Variants in CENPP observed in about 807,000 individuals in gnomAD.
CENPP encodes centromere protein P.
A neutral mutation model predicts 35.6 loss-of-function variants in CENPP; 24 were observed. The observed-to-expected ratio is 0.67, with a 90% confidence interval of 0.49 to 0.95. The LOEUF (loss-of-function observed/expected upper bound fraction) is 0.95, where lower values mean the gene tolerates loss of function less well. Among genes scored for constraint, CENPP ranks in the 40% least tolerant of loss-of-function variants. The pLI is 0.00. For missense variants in CENPP, 332 were observed against 345.3 expected (o/e 0.96, Z 0.31); for synonymous variants, 120 against 125.5 (o/e 0.96, Z 0.29).
At chr9:92,588,807 A>G (rs142641246) in intron 5 of CENPP, among the ~76,000 whole-genome samples, 125 of 152,290 alleles carry the variant, frequency 8.2e-4, no homozygotes, top group African/African-American at 3.0e-3. Flanking sequence ...CTTTCCTGGA[A>G]GAAGCTCCAA....
intron 3 of CENPP, among the ~76,000 whole-genome samples, chr9:92,341,007 A>G (rs928527083): frequency 1.6e-4 from 24 of 152,298 alleles, no homozygotes; most frequent in African/African-American, 5.5e-4. Context: ...TTTTCTCAGC[A>G]TGGGACATCC....
intron 5 of CENPP, chr9:92,527,927 A>G (rs866548898): frequency 6.5e-6 from 1 of 154,246 alleles, no homozygotes; most frequent in Middle Eastern, 5.2e-4. Flanking sequence ...TGCCATAACA[A>G]CATTCCTACT....
intron 2 of CENPP, among the ~76,000 whole-genome samples, chr9:92,337,043 C>T (rs769037818): frequency 2.0e-5 from 3 of 152,212 alleles, no homozygotes; most frequent in South Asian, 2.1e-4. Context: ...CTTGGCCGGG[C>T]GCAGTGGCTC....
rs925996109 is a variant in CENPP at position 92,417,213 on chromosome 9, G to A, written c.564+37354G>A. On this transcript the variant is annotated intron_variant, in intron 5 of 7. Transcript: ENST00000375587. ...TGGCTGAGGTTAATTTCTTTAAGATGAGTTGCATTGATGAATGAATTTGCA... is the reference window on the plus strand; with the variant it reads ...TGGCTGAGGTTAATTTCTTTAAGATAAGTTGCATTGATGAATGAATTTGCA... 2.5e-6 allele frequency: 4 copies of A among 1,613,894 alleles called. No individual in the cohort carries two copies. In the African/African-American group the frequency reaches 4.0e-5, roughly 16 times the overall value.
At chr9:92,491,490 T>G (rs1036991138) in intron 5 of CENPP, among the ~76,000 whole-genome samples, 1 of 152,130 alleles carries the variant, frequency 6.6e-6, no homozygotes, top group Non-Finnish European at 1.5e-5. Flanking sequence ...TCAACTGCCC[T>G]TCTCTTGTAG....
intron 5 of CENPP, among the ~76,000 whole-genome samples, chr9:92,484,365 G>T (rs992451453): frequency 6.6e-6 from 1 of 152,096 alleles, no homozygotes; most frequent in African/African-American, 2.4e-5. Context: ...ATCATACTGT[G>T]CATTCTCTTT....
At chr9:92,452,779 C>T (rs1458967556) in intron 5 of CENPP, among the ~76,000 whole-genome samples, 1 of 152,076 alleles carries the variant, frequency 6.6e-6, no homozygotes. Flanking sequence ...ATTTCAGAGT[C>T]TGTTATTGGT....
In CENPP at chr9:92,614,037, C is replaced by G. The variant is rs1004058432; in HGVS notation, c.*888C>G. On this transcript the variant is annotated 3_prime_UTR_variant, in exon 8 of 8. Transcript: ENST00000375587. Reference sequence around the variant, plus strand: ...CAGCCCGGGCTGGTGGGAGCCAAGACCAGACAGAGTGGGGGTCTCCATCTG... The same window carrying G: ...CAGCCCGGGCTGGTGGGAGCCAAGAGCAGACAGAGTGGGGGTCTCCATCTG... 2.0e-5 allele frequency: 3 copies of G among 152,306 alleles called. No homozygotes were observed. Among genetic ancestry groups the G allele is most frequent in the African/African-American group, 7.2e-5 (3 of 41,458 alleles). The allele number at this position is 152,306 out of a possible 1,614,324, so 9.4% of individuals were successfully genotyped here.
intron 5 of CENPP, chr9:92,475,066 G>A: frequency 3.2e-6 from 3 of 926,360 alleles, no homozygotes; most frequent in Middle Eastern, 3.4e-4. Context: ...AAAGATTTTT[G>A]GAAAGCAATT....
At chr9:92,386,334 T>C in intron 5 of CENPP, 1 of 1,314,634 alleles carries the variant, frequency 7.6e-7, no homozygotes, top group Non-Finnish European at 1.1e-6. Context: ...ATTGAGGTTC[T>C]GTACATTCTT....
intron 5 of CENPP, among the ~76,000 whole-genome samples, chr9:92,451,648 G>A (rs929029252): frequency 2.6e-5 from 4 of 151,958 alleles, no homozygotes; most frequent in African/African-American, 7.3e-5. Context: ...GTCATTGGTA[G>A]CTTGATGGGG....
intron 5 of CENPP, among the ~76,000 whole-genome samples, chr9:92,481,245 A>G (rs1845900592): frequency 2.0e-5 from 3 of 152,176 alleles, no homozygotes; most frequent in African/African-American, 7.2e-5. Context: ...AAGACTATAT[A>G]TCCTCTGTTC....
chr9:92,326,567 A>AT, intron 1 of CENPP, among the ~76,000 whole-genome samples: 1 of 152,266 alleles, frequency 6.6e-6, no homozygotes, highest in East Asian at 1.9e-4. Context: ...AGTAGTTAAT[A>AT]TAGACTGCAG....
chr9:92,398,954 C>T (rs183329671), intron 5 of CENPP, among the ~76,000 whole-genome samples: 67 of 151,668 alleles, frequency 4.4e-4, no homozygotes, highest in African/African-American at 1.4e-3. Context: ...CCCAGCTACT[C>T]GGAGGCTGAA....
At chr9:92,582,479 C>T (rs531684774) in intron 5 of CENPP, among the ~76,000 whole-genome samples, 7 of 152,312 alleles carry the variant, frequency 4.6e-5, no homozygotes, top group African/African-American at 1.7e-4. Flanking sequence ...CAGTGATCCT[C>T]TTCCCAAGAT....
At chr9:92,442,557 A>C (rs1392929219) in intron 5 of CENPP, among the ~76,000 whole-genome samples, 2 of 151,798 alleles carry the variant, frequency 1.3e-5, no homozygotes, top group African/African-American at 2.4e-5. Context: ...TAAATAAAAA[A>C]CATTTGATAC....
Position 92,618,008 on chromosome 9 carries a change from T to C in CENPP, c.*4859T>C, listed in dbSNP as rs971244408. ...CTAGGGATCTAAATTTAGTCTCAGG[T>C]CTACCAGGTATCTCAAGACGCCAAG... On this transcript the variant is annotated 3_prime_UTR_variant, in exon 8 of 8. Coordinates refer to ENST00000375587, the MANE Select transcript of CENPP (RefSeq NM_001012267.3). 2.9e-6 allele frequency: 1 copy of C among 347,380 alleles called. No homozygotes were observed. Among genetic ancestry groups the C allele is most frequent in the Non-Finnish European group, 5.7e-6 (1 of 175,016 alleles). 21.5% of individuals were successfully genotyped at this position (347,380 alleles called of 1,614,324 possible).
At chr9:92,549,770 C>T (rs1161717120) in intron 5 of CENPP, among the ~76,000 whole-genome samples, 1 of 152,190 alleles carries the variant, frequency 6.6e-6, no homozygotes, top group Admixed American at 6.5e-5. Context: ...TTTGATCTGC[C>T]TCCCTAAGAT....
At chr9:92,500,825 T>G in intron 5 of CENPP, 1 of 1,614,192 alleles carries the variant, frequency 6.2e-7, no homozygotes, top group African/African-American at 1.3e-5. Context: ...GAAATAATTC[T>G]CTCAGAGAAT....
Sources: gnomAD v4.1 joint callset for allele counts (sites outside exome capture counted in the v4.1 genomes callset) on GRCh38, gnomAD v4.1.1 for gene constraint, MANE v1.5 for transcripts, NCBI Gene and HGNC (gene_info 2026-07-23, HGNC 2026-07-21) for gene names.